GPLD1: variants seen among roughly 807,000 people sequenced by gnomAD.
The protein encoded by GPLD1 is glycosylphosphatidylinositol specific phospholipase D1.
In GPLD1, 84 loss-of-function variants were observed where a neutral mutation model predicts 112.6. The ratio of observed to expected loss-of-function variants is 0.75; its 90% CI spans 0.63 to 0.89. The LOEUF is 0.89. GPLD1 is among the 40% of genes least tolerant of loss of function. The pLI is 0.00. For missense variants in GPLD1, 1,044 were observed against 1,051.5 expected (o/e 0.99, Z 0.10); for synonymous variants, 386 against 403.8 (o/e 0.96, Z 0.53).
In GPLD1 at chr6:24,477,858, A is replaced by T. The variant is rs541679756; in HGVS notation, c.233-1580T>A. Among the ~76,000 whole-genome samples the T allele has an allele frequency of 9.8e-5, 15 of 152,380 alleles. No individual in the cohort carries two copies. In the South Asian group the frequency reaches 2.3e-3, roughly 23 times the overall value. On this transcript the variant is annotated intron_variant, in intron 3 of 24. Coordinates refer to ENST00000230036, the MANE Select transcript of GPLD1 (RefSeq NM_001503.4). The stretch of plus-strand genomic sequence containing the variant: ...CACCAAATAAGAAAAGGAAAACTAC[A>T]GTTGAATTAGGTATGTATGAGACAA...
In GPLD1 at chr6:24,466,705, T is replaced by C. The variant is rs372631671; in HGVS notation, c.796A>G (p.Ser266Gly). ...CTGGTCCCATTCTCCAACATGAAGC[T>C]TGTTAGATGGTAAATATTAGTGGAC... ...FWSTNIYHLT[S>G]FMLENGTSDC... Residue 266 changes from serine (S) to glycine (G), a missense_variant, in exon 10 of 25, where the codon AGC becomes GGC. Physicochemically the swap from Ser to Gly is moderately conservative, Grantham distance 56 (BLOSUM62 0). Transcript: ENST00000230036. 14 of 1,612,500 alleles carry C rather than the reference T, an allele frequency of 8.7e-6. No homozygotes were observed. The South Asian group carries it at 1.2e-4, about 14-fold the overall frequency.
chr6:24,488,106 T>C (rs1764436547), intron 1 of GPLD1, among the ~76,000 whole-genome samples: 1 of 152,132 alleles, frequency 6.6e-6, no homozygotes. Flanking sequence ...ATAATTTTTA[T>C]CTAAATTAAA....
chr6:24,449,188 C>T (rs1336602472), intron 15 of GPLD1, among the ~76,000 whole-genome samples: 1 of 151,968 alleles, frequency 6.6e-6, no homozygotes, highest in East Asian at 1.9e-4. Context: ...GAGTTCAGGA[C>T]GTGACAGACT....
intron 13 of GPLD1, among the ~76,000 whole-genome samples, chr6:24,454,413 A>G (rs931722776): frequency 4.6e-5 from 7 of 152,254 alleles, no homozygotes; most frequent in African/African-American, 1.7e-4. Context: ...AAAAATGGAC[A>G]AATCAAGGCC....
chr6:24,424,222 T>C (rs956067154), downstream of GPLD1: 3 of 116,698 alleles, frequency 2.6e-5, no homozygotes, highest in Non-Finnish European at 4.1e-5. Context: ...TTTGCCCCCT[T>C]TTTTTTATAA....
At position 24,473,533 on chromosome 6, in the gene GPLD1, A is replaced by C. The variant is rs758550701; in HGVS notation, c.490+86T>G. On this transcript the variant is annotated intron_variant, in intron 6 of 24. Coordinates refer to ENST00000230036, the MANE Select transcript of GPLD1 (RefSeq NM_001503.4). Reference sequence around the variant, plus strand: ...ATACATGCAACCAGCAAAATATTAAAGACACACATATTTAAAGCACAGTAG... The same window carrying C: ...ATACATGCAACCAGCAAAATATTAACGACACACATATTTAAAGCACAGTAG... 5.0e-6 allele frequency: 4 copies of C among 804,962 alleles called. No individual in the cohort carries two copies. In the Admixed American group the frequency reaches 7.7e-5, roughly 15 times the overall value. The allele number at this position is 804,962 out of a possible 1,614,324, so 49.9% of individuals were successfully genotyped here.
rs761430202 is a variant in GPLD1 at position 24,456,627 on chromosome 6, G to C, written c.1019C>G (p.Ser340Cys). ...SVNSWTPDSM[S>C]FIYKALERNI... ...CCTTTCCAAAGCCTTGTAGATAAAG[G>C]ACATGGAATCCTGAAATAAAAGAAT... Residue 340 changes from serine to cysteine, a missense_variant, in exon 13 of 25, where the codon TCC becomes TGC. Ser to Cys is a moderately radical substitution (Grantham distance 112). Coordinates refer to ENST00000230036, the MANE Select transcript of GPLD1 (RefSeq NM_001503.4). The C allele has an allele frequency of 4.4e-6, 7 of 1,597,314 alleles. No homozygotes were observed. The South Asian group carries it at 6.8e-5, about 15-fold the overall frequency.
chr6:24,430,393 C>A (rs1398340907), intron 24 of GPLD1, among the ~76,000 whole-genome samples: 3 of 152,176 alleles, frequency 2.0e-5, no homozygotes, highest in Admixed American at 6.5e-5. Context: ...ATACACCAAA[C>A]TGGATGGTCT....
At chr6:24,450,835 G>C (rs764229347) in intron 14 of GPLD1, among the ~76,000 whole-genome samples, 1 of 151,996 alleles carries the variant, frequency 6.6e-6, no homozygotes, top group Non-Finnish European at 1.5e-5. Flanking sequence ...AGCCAGGTGT[G>C]GTGGTGGGCA....
intron 22 of GPLD1, among the ~76,000 whole-genome samples, chr6:24,434,710 C>T (rs1287131445): frequency 6.6e-6 from 1 of 151,564 alleles, no homozygotes; most frequent in Non-Finnish European, 1.5e-5. Context: ...TGGTAGTGGG[C>T]GCCTGTAGCC....
At chr6:24,447,271 C>G (rs1239135413) in intron 17 of GPLD1, among the ~76,000 whole-genome samples, 1 of 152,060 alleles carries the variant, frequency 6.6e-6, no homozygotes, top group South Asian at 2.1e-4. Context: ...TTTGGGACGC[C>G]GAGGTGGGTG....
Position 24,476,252 on chromosome 6 carries a change from T to A in GPLD1, c.259A>T (p.Thr87Ser). The stretch of plus-strand genomic sequence containing the variant: ...GCATTAAGAAACGGAGTCCAGTGAG[T>A]GCTCTCAGACACATCATGGAATTTT... ...GGKFHDVSES[T>S]HWTPFLNASV... Residue 87 changes from threonine to serine, a missense_variant, in exon 4 of 25, where the codon ACT becomes TCT. Coordinates refer to ENST00000230036, the MANE Select transcript of GPLD1 (RefSeq NM_001503.4). The A allele has an allele frequency of 6.4e-7, 1 of 1,561,590 alleles. No homozygotes were observed. Among genetic ancestry groups the A allele is most frequent in the Non-Finnish European group, 8.7e-7 (1 of 1,145,352 alleles).
intron 21 of GPLD1, 119 bp downstream of exon 21, chr6:24,436,994 A>C: frequency 1.1e-6 from 1 of 911,102 alleles, no homozygotes; most frequent in South Asian, 1.6e-5. Context: ...ATCTGTCTAA[A>C]GGTCCTTGGG....
rs546794527 is a variant in GPLD1 at position 24,432,792 on chromosome 6, G to A, written c.2436+395C>T. Reference sequence around the variant, plus strand: ...GCCACGGCAGCACGACAGCAGCCACGCGCAGTCCACAGCAGACGAGCCCGG... The same window carrying A: ...GCCACGGCAGCACGACAGCAGCCACACGCAGTCCACAGCAGACGAGCCCGG... On this transcript the variant is annotated intron_variant, in intron 24 of 24. Coordinates refer to ENST00000230036, the MANE Select transcript of GPLD1 (RefSeq NM_001503.4). 7.8e-4 allele frequency among the ~76,000 whole-genome samples: 119 copies of A among 152,320 alleles called. 1 individual carries two copies. The highest frequency in any genetic ancestry group is 9.8e-4 in the Non-Finnish European group (67 of 68,026).
At chr6:24,433,986 GTAAA>G (rs1478889078) in intron 22 of GPLD1, among the ~76,000 whole-genome samples, 1 of 152,112 alleles carries the variant, frequency 6.6e-6, no homozygotes, top group Non-Finnish European at 1.5e-5. Context: ...TGAATAATGG[GTAAA>G]TAAACTATGG....
chr6:24,458,601 G>C (rs373661576), intron 12 of GPLD1, among the ~76,000 whole-genome samples: 1 of 152,188 alleles, frequency 6.6e-6, no homozygotes, highest in Non-Finnish European at 1.5e-5. Flanking sequence ...TGTTAAAGCC[G>C]GGTGTGGTGG....
chr6:24,436,718 G>T lies in GPLD1; in HGVS notation c.2216C>A (p.Ala739Asp). Residue 739 changes from alanine to aspartate, a missense_variant, in exon 22 of 25, where the codon GCC (alanine) becomes GAC (aspartate). Transcript: ENST00000230036. Reference sequence around the variant, plus strand: ...GGTTACATCTGCTATCCTCAGGGGGGCTGCCATGATGATTTCATCTGAAAA... The same window carrying T: ...GGTTACATCTGCTATCCTCAGGGGGTCTGCCATGATGATTTCATCTGAAAA... Reference protein sequence around the residue: ...DDGLDEIIMAAPLRIADVTSG... With the variant: ...DDGLDEIIMADPLRIADVTSG... 1.9e-6 allele frequency: 3 copies of T among 1,613,444 alleles called. No homozygotes were observed. Among genetic ancestry groups the T allele is most frequent in the Non-Finnish European group, 2.5e-6 (3 of 1,179,874 alleles).
At chr6:24,463,915 C>T (rs2817227) in intron 10 of GPLD1, among the ~76,000 whole-genome samples, 134,959 of 152,242 alleles carry the variant, frequency 0.89, 60,457 homozygotes, top group African/African-American at 0.93. Flanking sequence ...TGGAATTTTA[C>T]ACCTTGGTAA....
At chr6:24,468,754 C>T (rs950996127) in intron 7 of GPLD1, among the ~76,000 whole-genome samples, 1 of 152,136 alleles carries the variant, frequency 6.6e-6, no homozygotes, top group African/African-American at 2.4e-5. Context: ...GAACCTGCGA[C>T]CCTGGTGTCA....
Sources: allele counts gnomAD v4.1 joint callset (sites outside exome capture counted in the v4.1 genomes callset), GRCh38; gene constraint gnomAD v4.1.1; transcripts MANE v1.5; gene names NCBI Gene and HGNC (gene_info 2026-07-23, HGNC 2026-07-21).